LUZP4: variants seen among roughly 807,000 people sequenced by gnomAD.
LUZP4 encodes the protein leucine zipper protein 4, also known as HOM-TES-85 tumor antigen.
LUZP4 carries 11 observed loss-of-function variants against 8.5 expected under a neutral mutation model. That is an observed-to-expected ratio of 1.30 (90% confidence interval 0.82 to 2.14). The LOEUF (loss-of-function observed/expected upper bound fraction) is 2.14. Among genes scored for constraint, LUZP4 ranks in the 30% most tolerant of loss-of-function variants. The probability of loss-of-function intolerance (pLI) is 0.00; values close to 1 mark genes in which losing one functional copy is unlikely to be tolerated. For synonymous variants in LUZP4, 104 were observed against 79.4 expected, an observed-to-expected ratio of 1.31 and a Z score of -1.65; for missense variants, 276 against 229.7, an observed-to-expected ratio of 1.20 and a Z score of -1.30.
rs189786098 is a variant in LUZP4, at chrX:115,302,619, G to A, written c.223+496G>A. On this transcript the variant is annotated intron_variant, in intron 2 of 3. Coordinates refer to ENST00000371920, the MANE Select transcript of LUZP4 (RefSeq NM_016383.5). Reference sequence around the variant, plus strand: ...ATATGAATGTGCTACAGATTGCCACGATACAGAAGTCTTTTCAACAATTAA... The same window carrying A: ...ATATGAATGTGCTACAGATTGCCACAATACAGAAGTCTTTTCAACAATTAA... Among the ~76,000 whole-genome samples the A allele has an allele frequency of 2.7e-5, 3 of 112,995 alleles. No individual in the cohort carries two copies. The Admixed American group carries it at 2.8e-4, about 11-fold the overall frequency.
At chrX:115,302,256 C>A in intron 2 of LUZP4, 133 bp downstream of exon 2, 1 of 523,532 alleles carries the variant, frequency 1.9e-6, no homozygotes, top group Non-Finnish European at 2.9e-6. Flanking sequence ...TTTTTCTGGG[C>A]ATGGGCTCAT....
At chrX:115,291,005 A>G (rs935457186) in intron 1 of LUZP4, among the ~76,000 whole-genome samples, 1 of 111,030 alleles carries the variant, frequency 9.0e-6, no homozygotes, top group Admixed American at 9.6e-5. Context: ...AGGTTTCACC[A>G]TGTTGCCCAG....
At chrX:115,302,219 A>C in intron 2 of LUZP4, 96 bp downstream of exon 2, 2 of 830,090 alleles carry the variant, frequency 2.4e-6, no homozygotes, top group Non-Finnish European at 3.3e-6. Flanking sequence ...ATATTGTTCT[A>C]AAGTTGCATT....
rs187019295 is a variant in LUZP4 at position 115,303,423 on chromosome X, A to G, written c.342+5A>G. ...GGGCAGCCTTTAATTGAGCAGGTAGATAAGTACCAAGAATTAACCAATATT... is the reference window on the plus strand; with the variant it reads ...GGGCAGCCTTTAATTGAGCAGGTAGGTAAGTACCAAGAATTAACCAATATT... On this transcript the variant is annotated splice_donor_5th_base_variant and intron_variant, in intron 3 of 3. Transcript: ENST00000371920. 371 of 989,883 alleles carry G rather than the reference A, an allele frequency of 3.7e-4. No individual in the cohort carries two copies. The African/African-American group carries it at 6.3e-3, about 17-fold the overall frequency. The allele number at this position is 989,883 out of a possible 1,213,427, so 81.6% of individuals were successfully genotyped here.
chrX:115,304,175 T>C lies in LUZP4; in HGVS notation c.342+757T>C, dbSNP rs2073410053. Among the ~76,000 whole-genome samples, 3 of 112,636 alleles carry C rather than the reference T, an allele frequency of 2.7e-5. No homozygotes were observed. In the Admixed American group the frequency reaches 2.8e-4, roughly 11 times the overall value. On this transcript the variant is annotated intron_variant, in intron 3 of 3. Coordinates refer to ENST00000371920, the MANE Select transcript of LUZP4 (RefSeq NM_016383.5). The stretch of plus-strand genomic sequence containing the variant: ...AAATTATGATTCAATGCCTACTCTA[T>C]GCAGGCACTATGATACCAGAACAGC...
chrX:115,303,223 TGAG>T, intron 2 of LUZP4, 74 bp from the exon 3 acceptor site: 3 of 557,763 alleles, frequency 5.4e-6, no homozygotes, highest in Non-Finnish European at 8.5e-6. Flanking sequence ...CTTAAAAAAA[TGAG>T]ATCAGAGATA....
chrX:115,306,049 AAGTT>A (rs782180528), intron 3 of LUZP4, among the ~76,000 whole-genome samples, 152 bp from the exon 4 acceptor site: 6 of 112,156 alleles, frequency 5.3e-5, no homozygotes, highest in South Asian at 3.7e-4. Flanking sequence ...GCTATTCTGT[AAGTT>A]AGTTCTAAAA....
chrX:115,301,852 T>TTTA (rs1401433247), intron 1 of LUZP4, 140 bp from the exon 2 acceptor site: 14 of 334,675 alleles, frequency 4.2e-5, no homozygotes, highest in Non-Finnish European at 6.1e-5. Flanking sequence ...GTTTAACAAA[T>TTTA]TTATTATTAT....
chrX:115,305,153 G>A (rs1362141381), intron 3 of LUZP4, among the ~76,000 whole-genome samples: 4 of 111,414 alleles, frequency 3.6e-5, no homozygotes, highest in Admixed American at 9.5e-5. Context: ...GGATACATAC[G>A]GGTCTTTAGA....
Position 115,306,928 on chromosome X carries a change from A to G in LUZP4, c.*124A>G. On this transcript the variant is annotated 3_prime_UTR_variant, in exon 4 of 4. Transcript: ENST00000371920. ...AAGACATAAATATTAGAATGGAGGT[A>G]ATACATACATAGTATCAATATTGTT... 1 of 623,375 alleles carries G rather than the reference A, an allele frequency of 1.6e-6. No homozygotes were observed. Among genetic ancestry groups the G allele is most frequent in the East Asian group, 3.3e-5 (1 of 30,589 alleles). The allele number at this position is 623,375 out of a possible 1,213,427, so 51.4% of individuals were successfully genotyped here.
At chrX:115,291,783 A>G (rs113252250) in intron 1 of LUZP4, among the ~76,000 whole-genome samples, 1,117 of 110,614 alleles carry the variant, frequency 0.01, 11 homozygotes, top group African/African-American at 0.034. Context: ...TTAGCTGGGC[A>G]TGGTGTTGCG....
At chrX:115,303,016 C>A (rs2073404635) in intron 2 of LUZP4, among the ~76,000 whole-genome samples, 1 of 111,810 alleles carries the variant, frequency 8.9e-6, no homozygotes, top group African/African-American at 3.2e-5. Context: ...AGTATTCTTT[C>A]ATTTAATTTC....
At chrX:115,289,931 G>C in intron 1 of LUZP4, 81 bp downstream of exon 1, 2 of 667,302 alleles carry the variant, frequency 3.0e-6, no homozygotes, top group Admixed American at 2.7e-5. Context: ...GCGCTTACTA[G>C]AAGTGGCGTC....
chrX:115,299,042 A>G (rs1439654547), intron 1 of LUZP4, among the ~76,000 whole-genome samples: 2 of 111,878 alleles, frequency 1.8e-5, no homozygotes, highest in Non-Finnish European at 3.8e-5. Flanking sequence ...TGGTTCTTGC[A>G]AACTCATAGA....
intron 1 of LUZP4, among the ~76,000 whole-genome samples, chrX:115,291,465 G>T (rs782513325): frequency 9.0e-6 from 1 of 111,034 alleles, no homozygotes; most frequent in Admixed American, 9.6e-5. Flanking sequence ...ATGTGGAAGC[G>T]CAGGAGTGGA....
intron 2 of LUZP4, 54 bp downstream of exon 2, chrX:115,302,177 G>C: frequency 1.0e-6 from 1 of 994,923 alleles, no homozygotes; most frequent in Non-Finnish European, 1.3e-6. Context: ...AAATATTTGT[G>C]AATAACTAGA....
At chrX:115,298,235 T>A (rs1274793367) in intron 1 of LUZP4, among the ~76,000 whole-genome samples, 1 of 111,348 alleles carries the variant, frequency 9.0e-6, no homozygotes, top group Non-Finnish European at 1.9e-5. Flanking sequence ...CACAGCTAAT[T>A]TTTGTGTTTT....
At chrX:115,304,905 C>T (rs1174778606) in intron 3 of LUZP4, among the ~76,000 whole-genome samples, 1 of 111,598 alleles carries the variant, frequency 9.0e-6, no homozygotes, top group Non-Finnish European at 1.9e-5. Context: ...TTCTATTAAG[C>T]TAGTTTCGTA....
Position 115,307,022 on chromosome X carries a change from C to T in LUZP4, c.*218C>T. The T allele has an allele frequency of 4.8e-6, 2 of 415,161 alleles. No homozygotes were observed. Among genetic ancestry groups the T allele is most frequent in the Non-Finnish European group, 8.3e-6 (2 of 239,571 alleles). The allele number at this position is 415,161 out of a possible 1,213,427, so 34.2% of individuals were successfully genotyped here. On this transcript the variant is annotated 3_prime_UTR_variant, in exon 4 of 4. Transcript: ENST00000371920. The stretch of plus-strand genomic sequence containing the variant: ...TCCCATTAAGTTGTTCCCGGTAGGT[C>T]TGCTTTCCCTGGAAGAGCCGTATGT...
Sources: gnomAD v4.1 joint callset for allele counts (sites outside exome capture counted in the v4.1 genomes callset) on GRCh38, gnomAD v4.1.1 for gene constraint, MANE v1.5 for transcripts, NCBI Gene and HGNC (gene_info 2026-07-23, HGNC 2026-07-21) for gene names.